The following CERT1 variants were observed in gnomAD, a reference collection of about 807,000 sequenced individuals.
CERT1 encodes ceramide transporter 1.
A neutral mutation model predicts 87.9 loss-of-function variants in CERT1; 31 were observed. That is an observed-to-expected ratio of 0.35 (90% CI 0.27 to 0.48). The LOEUF is 0.48. Ranked by LOEUF, CERT1 falls within the 20% of genes least tolerant of loss-of-function variation. The pLI, the probability that CERT1 is intolerant of heterozygous loss-of-function variation, is 0.99. For missense variants in CERT1, 487 were observed against 758.0 expected (o/e 0.64, Z 4.20); for synonymous variants, 289 against 250.9 (o/e 1.15, Z -1.44).
chr5:75,379,585 C>T (rs2111983274), intron 16 of CERT1, 112 bp from the exon 17 acceptor site: 1 of 998,808 alleles, frequency 1.0e-6, no homozygotes, highest in South Asian at 1.7e-5. Flanking sequence ...GACCAATTAG[C>T]ATCTTTTTTT....
At chr5:75,443,785 C>T (rs1764419452) in intron 3 of CERT1, among the ~76,000 whole-genome samples, 1 of 152,094 alleles carries the variant, frequency 6.6e-6, no homozygotes, top group African/African-American at 2.4e-5. Flanking sequence ...TCTATTTCTC[C>T]TTTCAATTCT....
chr5:75,473,379 TCTGA>T (rs1436077954), intron 2 of CERT1, among the ~76,000 whole-genome samples: 5 of 152,156 alleles, frequency 3.3e-5, no homozygotes, highest in Non-Finnish European at 7.4e-5. Context: ...AGCCACCAAA[TCTGA>T]CTGATTCAGG....
chr5:75,379,361 C>G lies in CERT1; in HGVS notation c.1860G>C (p.Lys620Asn). ...TSYVQEKTAG[K>N]PILF ...CCTGTTAATACTAGAACAAAATAGG[C>G]TTTCCTGCAGTTTTTTCTTGGACGT... is the stretch of plus-strand genomic sequence containing the variant. The change falls in exon 17 of 17, where the codon AAG becomes AAC. Residue 620 changes from lysine to asparagine, a missense_variant. Around this residue, in one of 8 missense-constraint regions of CERT1, gnomAD observed 33 missense variants for 64.4 expected, o/e 0.51. Transcript: ENST00000643780. 1 of 1,613,256 alleles carries G rather than the reference C, an allele frequency of 6.2e-7. No individual in the cohort carries two copies. Among genetic ancestry groups the G allele is most frequent in the Non-Finnish European group, 8.5e-7 (1 of 1,179,424 alleles).
intron 2 of CERT1, among the ~76,000 whole-genome samples, chr5:75,470,748 A>G (rs1290964938): frequency 6.6e-6 from 1 of 152,218 alleles, no homozygotes. Flanking sequence ...TAGTACTAGA[A>G]GTCCTAGCCA....
At chr5:75,476,320 T>C (rs1026059552) in intron 2 of CERT1, among the ~76,000 whole-genome samples, 5 of 151,972 alleles carry the variant, frequency 3.3e-5, no homozygotes, top group Non-Finnish European at 5.9e-5. Context: ...AGCATGGAAA[T>C]TGTGATTTTT....
In CERT1 at chr5:75,478,454, C is replaced by G. The variant is rs554821493; in HGVS notation, c.232-19273G>C. 2.8e-3 allele frequency among the ~76,000 whole-genome samples: 424 copies of G among 152,074 alleles called. 1 individual carries two copies. Among genetic ancestry groups the G allele is most frequent in the Non-Finnish European group, 4.8e-3 (324 of 67,978 alleles). On this transcript the variant is annotated intron_variant, in intron 2 of 16. Transcript: ENST00000643780. ...CTAGGGAAATCTAAGTGTGCAGTGA[C>G]GGAGGACAAGATAAGATGCAATCTT...
At chr5:75,403,342 C>T (rs1440904232) in intron 8 of CERT1, among the ~76,000 whole-genome samples, 2 of 152,194 alleles carry the variant, frequency 1.3e-5, no homozygotes, top group African/African-American at 4.8e-5. Context: ...GCCCAAGGGC[C>T]AAATCCAGTC....
chr5:75,445,568 T>C (rs1012239176), intron 3 of CERT1, among the ~76,000 whole-genome samples: 1 of 152,170 alleles, frequency 6.6e-6, no homozygotes, highest in African/African-American at 2.4e-5. Flanking sequence ...CAAGTGACTC[T>C]CCTGCCTCAG....
chr5:75,377,562 ATG>A (rs1437945001), downstream of CERT1: 1 of 152,242 alleles, frequency 6.6e-6, no homozygotes, highest in Non-Finnish European at 1.5e-5. Flanking sequence ...CCTTACAAAT[ATG>A]TGAGACCTTC....
chr5:75,479,406 C>T (rs1766123645), intron 2 of CERT1, among the ~76,000 whole-genome samples: 1 of 151,920 alleles, frequency 6.6e-6, no homozygotes, highest in East Asian at 1.9e-4. Context: ...GGTATTAAAC[C>T]CAGTACCCAA....
chr5:75,442,927 CT>C (rs1374052428), intron 3 of CERT1, among the ~76,000 whole-genome samples: 4 of 152,052 alleles, frequency 2.6e-5, no homozygotes, highest in Admixed American at 2.0e-4. Flanking sequence ...CTAAAATAAA[CT>C]TTATCGTAAG....
chr5:75,507,913 A>G (rs2112479449), intron 1 of CERT1, among the ~76,000 whole-genome samples: 1 of 152,114 alleles, frequency 6.6e-6, no homozygotes, highest in East Asian at 1.9e-4. Flanking sequence ...AAACCCTTAA[A>G]TTTGCCTCCT....
chr5:75,462,920 A>T lies in CERT1; in HGVS notation c.232-3739T>A, dbSNP rs527620200. ...GGCAGGAGAATCACTTGAACCCGGG[A>T]GGTAGAAGTTGCAGTGAACCAAGAT... On this transcript the variant is annotated intron_variant, in intron 2 of 16. Transcript: ENST00000643780. Among the ~76,000 whole-genome samples the T allele has an allele frequency of 7.8e-5, 11 of 141,786 alleles. No individual in the cohort carries two copies. In the South Asian group the frequency reaches 2.6e-3, roughly 34 times the overall value. 93.0% of individuals were successfully genotyped at this position (141,786 alleles called of 152,430 possible).
intron 5 of CERT1, among the ~76,000 whole-genome samples, chr5:75,421,278 G>A (rs144903932): frequency 1.5e-3 from 226 of 152,192 alleles, no homozygotes; most frequent in Middle Eastern, 6.8e-3. Context: ...AGCCCAATTC[G>A]ATACCTTATT....
chr5:75,428,417 G>A (rs1011701947), intron 3 of CERT1, among the ~76,000 whole-genome samples: 1 of 152,154 alleles, frequency 6.6e-6, no homozygotes, highest in Non-Finnish European at 1.5e-5. Flanking sequence ...GGTGGCTCAC[G>A]CCTGTAATCC....
chr5:75,424,333 GCAC>G (rs1351715012), intron 5 of CERT1, among the ~76,000 whole-genome samples: 2 of 152,080 alleles, frequency 1.3e-5, no homozygotes, highest in East Asian at 3.9e-4. Flanking sequence ...TGTAATCCCA[GCAC>G]TTTGGAAGGC....
intron 7 of CERT1, 47 bp downstream of exon 7, chr5:75,416,829 A>C: frequency 1.4e-6 from 2 of 1,476,240 alleles, no homozygotes; most frequent in Non-Finnish European, 9.1e-7. Flanking sequence ...AACAATACGT[A>C]AAACTTAAAT....
At chr5:75,448,979 G>A (rs1235982819) in intron 3 of CERT1, among the ~76,000 whole-genome samples, 19 of 152,054 alleles carry the variant, frequency 1.2e-4, no homozygotes, top group Admixed American at 1.2e-3. Flanking sequence ...CAAACACATA[G>A]TAAACATTAT....
intron 2 of CERT1, among the ~76,000 whole-genome samples, chr5:75,482,924 A>G (rs1283579899): frequency 6.6e-6 from 1 of 152,208 alleles, no homozygotes; most frequent in Non-Finnish European, 1.5e-5. Context: ...AATGGGTACA[A>G]AGAAGCCCAC....
Sources: allele counts gnomAD v4.1 joint callset (sites outside exome capture counted in the v4.1 genomes callset), GRCh38; gene constraint gnomAD v4.1.1; regional missense constraint gnomAD v4.1.1; transcripts MANE v1.5; gene names NCBI Gene and HGNC (gene_info 2026-07-23, HGNC 2026-07-21).